The following FBXO11 variants were observed in gnomAD, a reference collection of about 807,000 sequenced individuals.
FBXO11 encodes the protein F-box protein 11.
A neutral mutation model predicts 117.0 loss-of-function variants in FBXO11; 13 were observed. The ratio of observed to expected loss-of-function variants is 0.11; its 90% confidence interval spans 0.07 to 0.18. FBXO11 has a LOEUF of 0.18. Among genes scored for constraint, FBXO11 ranks in the 10% least tolerant of loss-of-function variants. FBXO11 has a pLI of 1.00. For synonymous variants in FBXO11, 490 were observed against 380.5 expected (o/e 1.29, Z -3.35); for missense variants, 767 against 1,164.4 (o/e 0.66, Z 4.97).
chr2:47,830,493 A>G (rs1306422208), intron 11 of FBXO11, among the ~76,000 whole-genome samples: 1 of 152,242 alleles, frequency 6.6e-6, no homozygotes, highest in Non-Finnish European at 1.5e-5. Context: ...ATAAATAAAT[A>G]AAGAATAAAT....
chr2:47,901,100 TATATGTATATATGTACACACGTGTGTAC>T (rs1424409538), intron 1 of FBXO11, among the ~76,000 whole-genome samples: 1,700 of 112,186 alleles, frequency 0.015, 21 homozygotes, highest in African/African-American at 0.032. Flanking sequence ...TATATACATA[TATATGTATATATGTACACACGTGTGTAC>T]ATGTATATAT....
chr2:47,890,195 G>A (rs1005711244), intron 1 of FBXO11, among the ~76,000 whole-genome samples: 9 of 152,084 alleles, frequency 5.9e-5, no homozygotes, highest in Non-Finnish European at 1.3e-4. Flanking sequence ...TTGCACTCTT[G>A]GTCTTAAAGG....
intron 1 of FBXO11, among the ~76,000 whole-genome samples, chr2:47,902,552 T>C (rs1678375883): frequency 1.3e-5 from 2 of 152,202 alleles, no homozygotes; most frequent in South Asian, 2.1e-4. Flanking sequence ...AACATGTATA[T>C]ACACAAATAT....
At chr2:47,863,447 C>A (rs1184220081) in intron 1 of FBXO11, among the ~76,000 whole-genome samples, 2 of 152,104 alleles carry the variant, frequency 1.3e-5, no homozygotes, top group Non-Finnish European at 1.5e-5. Context: ...TTAAGCGAAA[C>A]CTATAATCAA....
At chr2:47,859,712 C>T (rs1359880438) in intron 1 of FBXO11, among the ~76,000 whole-genome samples, 6 of 152,170 alleles carry the variant, frequency 3.9e-5, no homozygotes, top group Non-Finnish European at 7.4e-5. Context: ...AGAATTTTAA[C>T]TTTAATCATT....
intron 13 of FBXO11, among the ~76,000 whole-genome samples, chr2:47,821,718 G>A (rs1396009204): frequency 1.3e-5 from 2 of 152,114 alleles, no homozygotes; most frequent in Non-Finnish European, 2.9e-5. Flanking sequence ...CTGGGAGGCA[G>A]GGGTTGCTGT....
chr2:47,834,603 A>C lies in FBXO11; in HGVS notation c.910T>G (p.Ser304Ala), dbSNP rs773324025. The C allele has an allele frequency of 6.3e-7, 1 of 1,587,992 alleles. No individual in the cohort carries two copies. The highest frequency in any genetic ancestry group is 1.9e-5 in the Admixed American group (1 of 53,252). ...IYTDEWIYIE[S>A]PITMIGAAPG... ...CCTGCACCAATCATGGTGATTGGAGATTCAATATATATCCATTCATCAGTA... is the reference window on the plus strand; with the variant it reads ...CCTGCACCAATCATGGTGATTGGAGCTTCAATATATATCCATTCATCAGTA... Residue 304 changes from serine (S) to alanine (A), a missense_variant, in exon 7 of 23, where the codon TCT becomes GCT. Transcript: ENST00000403359.
At chr2:47,883,188 G>A (rs181263623) in intron 1 of FBXO11, among the ~76,000 whole-genome samples, 1 of 152,260 alleles carries the variant, frequency 6.6e-6, no homozygotes, top group East Asian at 1.9e-4. Context: ...AAGTTTTGCT[G>A]CCATATCAGC....
intron 1 of FBXO11, among the ~76,000 whole-genome samples, chr2:47,851,519 G>A (rs979232873): frequency 2.6e-5 from 4 of 152,174 alleles, no homozygotes; most frequent in East Asian, 3.9e-4. Flanking sequence ...GAGCCACCGC[G>A]CCTGGCCTAT....
chr2:47,827,452 G>A (rs1415568896), intron 11 of FBXO11, among the ~76,000 whole-genome samples: 1 of 151,982 alleles, frequency 6.6e-6, no homozygotes, highest in Non-Finnish European at 1.5e-5. Context: ...GACTTTTGGT[G>A]TGAGCCACCA....
rs938764527 is a variant in FBXO11, at chr2:47,898,315, T to A, written c.232+7174A>T. On this transcript the variant is annotated intron_variant, in intron 1 of 22. Transcript: ENST00000403359. Reference sequence around the variant, plus strand: ...TTTCTAAGGATTAAGTTTAAGCACATTTTTTATGCTAACCAAACATATATA... The same window carrying A: ...TTTCTAAGGATTAAGTTTAAGCACAATTTTTATGCTAACCAAACATATATA... Among the ~76,000 whole-genome samples the A allele has an allele frequency of 1.4e-4, 21 of 152,288 alleles. 1 individual carries two copies. The highest frequency in any genetic ancestry group is 4.8e-4 in the African/African-American group (20 of 41,520).
intron 1 of FBXO11, among the ~76,000 whole-genome samples, chr2:47,848,751 T>C (rs1379784371): frequency 1.3e-5 from 2 of 152,222 alleles, no homozygotes; most frequent in Non-Finnish European, 2.9e-5. Flanking sequence ...ACATCTTTGA[T>C]AATAAATGTA....
Position 47,823,188 on chromosome 2 carries a change from T to C in FBXO11, c.1571A>G (p.Asn524Ser), listed in dbSNP as rs1407776134. Residue 524 changes from asparagine to serine, a missense_variant, in exon 12 of 23, where the codon AAC (asparagine) becomes AGC (serine). Coordinates refer to ENST00000403359, the MANE Select transcript of FBXO11 (RefSeq NM_001190274.2). Reference protein sequence around the residue: ...QFIENKIYANNFAGVWITSNS... With the variant: ...QFIENKIYANSFAGVWITSNS... ...TGAGGTAATCCATACACCTGCAAAGTTGTTTGCATAGATTTTATTCTCTAT... is the reference window on the plus strand; with the variant it reads ...TGAGGTAATCCATACACCTGCAAAGCTGTTTGCATAGATTTTATTCTCTAT... 1.2e-6 allele frequency: 2 copies of C among 1,613,788 alleles called. No individual in the cohort carries two copies.
intron 5 of FBXO11, among the ~76,000 whole-genome samples, chr2:47,835,205 T>C (rs1196646916): frequency 6.6e-6 from 1 of 152,180 alleles, no homozygotes; most frequent in Admixed American, 6.6e-5. Context: ...CCTCCCATTG[T>C]GACAATCAAA....
intron 1 of FBXO11, among the ~76,000 whole-genome samples, chr2:47,854,620 C>T (rs540065784): frequency 5.3e-5 from 8 of 152,148 alleles, no homozygotes; most frequent in East Asian, 1.9e-4. Flanking sequence ...ACTAGATCAG[C>T]GGTTCTCAAA....
At chr2:47,835,750 G>C (rs1368249248) in intron 5 of FBXO11, 122 bp downstream of exon 5, 1 of 586,254 alleles carries the variant, frequency 1.7e-6, no homozygotes, top group Admixed American at 3.9e-5. Context: ...CTCCTACCTC[G>C]GCCTCCCAAG....
At chr2:47,842,239 C>G (rs1445391145) in intron 1 of FBXO11, among the ~76,000 whole-genome samples, 1 of 151,910 alleles carries the variant, frequency 6.6e-6, no homozygotes, top group Admixed American at 6.6e-5. Flanking sequence ...TGGTCTTCAT[C>G]TCTTGACCTC....
At chr2:47,834,485 A>G (rs1672413698) in intron 7 of FBXO11, 94 bp downstream of exon 7, 3 of 927,336 alleles carry the variant, frequency 3.2e-6, no homozygotes, top group Non-Finnish European at 4.7e-6. Flanking sequence ...GCAGGATATT[A>G]TAAAACTGGA....
intron 13 of FBXO11, 65 bp downstream of exon 13, chr2:47,822,153 C>A (rs959426024): frequency 9.2e-7 from 1 of 1,089,830 alleles, no homozygotes. Flanking sequence ...AATGTTCCAT[C>A]ATTTTGCTAA....
Sources: gnomAD v4.1 joint callset for allele counts (sites outside exome capture counted in the v4.1 genomes callset) on GRCh38, gnomAD v4.1.1 for gene constraint, MANE v1.5 for transcripts, NCBI Gene and HGNC (gene_info 2026-07-23, HGNC 2026-07-21) for gene names.